RNFT2: variants seen among roughly 807,000 people sequenced by gnomAD.
The protein encoded by RNFT2 is ring finger protein, transmembrane 2.
RNFT2 carries 36 observed loss-of-function variants against 53.0 expected under a neutral mutation model. The observed-to-expected ratio is 0.68, with a 90% confidence interval of 0.52 to 0.90. The LOEUF is 0.90. RNFT2 is among the 40% of genes least tolerant of loss of function. RNFT2 has a pLI of 0.00. For synonymous variants in RNFT2, 260 were observed against 253.2 expected (o/e 1.03, Z -0.26); for missense variants, 514 against 585.6 (o/e 0.88, Z 1.26).
chr12:116,845,483 A>C (rs1877565365), intron 10 of RNFT2, among the ~76,000 whole-genome samples: 5 of 152,088 alleles, frequency 3.3e-5, no homozygotes. Context: ...TGCTTGGCTG[A>C]GTCTTCCAAA....
At chr12:116,805,431 A>G (rs1484837802) in intron 7 of RNFT2, among the ~76,000 whole-genome samples, 1 of 152,190 alleles carries the variant, frequency 6.6e-6, no homozygotes, top group African/African-American at 2.4e-5. Flanking sequence ...ACAGGCCAGC[A>G]GGCTGAAAGC....
chr12:116,831,280 A>T (rs1233186601), intron 7 of RNFT2, among the ~76,000 whole-genome samples: 1 of 151,920 alleles, frequency 6.6e-6, no homozygotes, highest in East Asian at 1.9e-4. Context: ...ATTAGAATTT[A>T]TTGCTGAGTT....
chr12:116,765,784 T>C (rs1237597804), intron 5 of RNFT2, among the ~76,000 whole-genome samples: 1 of 152,030 alleles, frequency 6.6e-6, no homozygotes, highest in Non-Finnish European at 1.5e-5. Context: ...GAGAATTAGG[T>C]ATATAAGCTT....
chr12:116,743,395 T>C (rs1281828684), intron 3 of RNFT2, among the ~76,000 whole-genome samples: 7 of 151,436 alleles, frequency 4.6e-5, no homozygotes, highest in African/African-American at 1.7e-4. Context: ...GTCTCCCGAG[T>C]AGTTGGGACC....
At chr12:116,783,692 T>C (rs145100722) in intron 7 of RNFT2, among the ~76,000 whole-genome samples, 134 of 152,366 alleles carry the variant, frequency 8.8e-4, no homozygotes, top group African/African-American at 3.1e-3. Flanking sequence ...TGGCAATGTC[T>C]TCCACCTTTC....
chr12:116,815,805 G>A (rs866989048), intron 7 of RNFT2, among the ~76,000 whole-genome samples: 3 of 152,128 alleles, frequency 2.0e-5, no homozygotes, highest in Non-Finnish European at 2.9e-5. Flanking sequence ...CTTTGCTAAC[G>A]AGGAAACTGA....
chr12:116,843,644 G>A (rs1044917515), intron 10 of RNFT2, among the ~76,000 whole-genome samples: 3 of 151,902 alleles, frequency 2.0e-5, no homozygotes, highest in African/African-American at 7.2e-5. Context: ...CTCTGTAGAC[G>A]TTCATCCCTT....
intron 7 of RNFT2, among the ~76,000 whole-genome samples, chr12:116,819,308 C>A (rs987197343): frequency 6.6e-6 from 1 of 152,230 alleles, no homozygotes. Context: ...CCTTTGTCCG[C>A]GAAGGGCTAA....
At chr12:116,774,622 T>A (rs1873342621) in intron 6 of RNFT2, among the ~76,000 whole-genome samples, 1 of 152,230 alleles carries the variant, frequency 6.6e-6, no homozygotes, top group African/African-American at 2.4e-5. Context: ...TCAGATCACA[T>A]CCATCTGTTT....
intron 7 of RNFT2, among the ~76,000 whole-genome samples, chr12:116,826,744 T>C (rs555464406): frequency 6.6e-6 from 1 of 152,334 alleles, no homozygotes; most frequent in Admixed American, 6.5e-5. Flanking sequence ...GGAAGTTGAC[T>C]TGAGTAATAA....
chr12:116,771,484 A>ATATATAT (rs1288359294), intron 6 of RNFT2, among the ~76,000 whole-genome samples: 5 of 115,938 alleles, frequency 4.3e-5, no homozygotes, highest in Non-Finnish European at 5.5e-5. Flanking sequence ...AAAAAAAAAA[A>ATATATAT]AAAAAAAAAA....
chr12:116,756,936 C>G (rs1872532682), intron 5 of RNFT2, among the ~76,000 whole-genome samples: 1 of 151,976 alleles, frequency 6.6e-6, no homozygotes, highest in African/African-American at 2.4e-5. Context: ...TAGAATTCTG[C>G]TGTGAATCTG....
At chr12:116,747,127 A>T (rs1020260125) in intron 3 of RNFT2, among the ~76,000 whole-genome samples, 1 of 152,058 alleles carries the variant, frequency 6.6e-6, no homozygotes, top group African/African-American at 2.4e-5. Flanking sequence ...CGTGATCTTA[A>T]CTCACTGCAA....
At chr12:116,842,434 C>T (rs558611445) in intron 10 of RNFT2, among the ~76,000 whole-genome samples, 3 of 152,248 alleles carry the variant, frequency 2.0e-5, no homozygotes, top group African/African-American at 7.2e-5. Flanking sequence ...AGCTGTGTAC[C>T]TTGGGCGCAC....
rs552949503 is a variant in RNFT2, at chr12:116,851,666, G to A, written c.*2218G>A. 15 of 638,064 alleles carry A rather than the reference G, an allele frequency of 2.4e-5. No individual in the cohort carries two copies. The highest frequency in any genetic ancestry group is 1.6e-4 in the East Asian group (6 of 36,972). The allele number at this position is 638,064 out of a possible 1,614,324, so 39.5% of individuals were successfully genotyped here. The stretch of plus-strand genomic sequence containing the variant: ...AAGGCAGGGAGAACTGCTTGAACTC[G>A]GGAGGTGAAAGTTGCAGTGAGCCGA... On this transcript the variant is annotated 3_prime_UTR_variant, in exon 11 of 11. Transcript: ENST00000257575.
chr12:116,786,622 C>A (rs1873948524), intron 7 of RNFT2, among the ~76,000 whole-genome samples: 1 of 152,184 alleles, frequency 6.6e-6, no homozygotes, highest in South Asian at 2.1e-4. Context: ...GCTCTCAATA[C>A]CCCTGTAAGA....
intron 5 of RNFT2, chr12:116,755,527 CT>C (rs1872465479): frequency 1.2e-6 from 1 of 858,726 alleles, no homozygotes. Flanking sequence ...CCGCTTCTTT[CT>C]TTTTCTGATC....
At position 116,769,838 on chromosome 12, in the gene RNFT2, C is replaced by T. The variant is rs751748497; in HGVS notation, c.728+2924C>T. 1.0e-3 allele frequency among the ~76,000 whole-genome samples: 159 copies of T among 152,134 alleles called. 2 individuals are homozygous for T. The highest frequency in any genetic ancestry group is 1.9e-3 in the Non-Finnish European group (126 of 68,014). Reference sequence around the variant, plus strand: ...TTTGAGGTCAGGAGTTTGAGACCAGCCTGACCAACATGGTGAAACCCCGTC... The same window carrying T: ...TTTGAGGTCAGGAGTTTGAGACCAGTCTGACCAACATGGTGAAACCCCGTC... On this transcript the variant is annotated intron_variant, in intron 6 of 10. Transcript: ENST00000257575.
intron 7 of RNFT2, among the ~76,000 whole-genome samples, chr12:116,795,410 GA>G (rs201494908): frequency 7.6e-4 from 93 of 123,076 alleles, no homozygotes; most frequent in Admixed American, 7.6e-4. Context: ...TCCATCTCCA[GA>G]AAAAAAAAAA....
Sources: gnomAD v4.1 joint callset for allele counts (sites outside exome capture counted in the v4.1 genomes callset) on GRCh38, gnomAD v4.1.1 for gene constraint, MANE v1.5 for transcripts, NCBI Gene and HGNC (gene_info 2026-07-23, HGNC 2026-07-21) for gene names.